Variants in WDR64 observed in about 807,000 individuals in gnomAD.
WDR64 encodes the protein WD repeat domain 64, also known as WD repeat-containing protein 64.
A neutral mutation model predicts 139.3 loss-of-function variants in WDR64; 112 were observed. The observed-to-expected ratio is 0.80, with a 90% CI of 0.69 to 0.94. WDR64 has a LOEUF of 0.94. WDR64 is among the 40% of genes least tolerant of loss of function. WDR64 has a pLI of 0.00. For missense variants in WDR64, 1,206 were observed against 1,293.1 expected (o/e 0.93, Z 1.03); for synonymous variants, 444 against 437.7 (o/e 1.01, Z -0.18).
At chr1:241,796,439 AAT>A (rs1194907302) in intron 27 of WDR64, 69 bp downstream of exon 27, 4 of 1,063,274 alleles carry the variant, frequency 3.8e-6, no homozygotes, top group East Asian at 5.2e-5. Context: ...TTTTTTTAAA[AAT>A]ATGTCTCTGC....
At chr1:241,738,621 A>T in intron 11 of WDR64, 132 bp downstream of exon 11, 1 of 961,104 alleles carries the variant, frequency 1.0e-6, no homozygotes, top group Non-Finnish European at 1.5e-6. Flanking sequence ...GATTCGTGAC[A>T]GTAGATATTT....
intron 10 of WDR64, among the ~76,000 whole-genome samples, chr1:241,733,278 T>A (rs1174298081): frequency 2.0e-5 from 3 of 151,922 alleles, no homozygotes; most frequent in Admixed American, 6.6e-5. Context: ...AGTTTAAGAC[T>A]AGCCTGGCCA....
intron 8 of WDR64, among the ~76,000 whole-genome samples, chr1:241,698,507 T>C (rs1163192245): frequency 2.0e-5 from 3 of 152,086 alleles, no homozygotes; most frequent in South Asian, 4.2e-4. Flanking sequence ...CAGTTCTCTG[T>C]CCCCTCCCCA....
At chr1:241,800,042 T>C (rs1256166862) in intron 27 of WDR64, among the ~76,000 whole-genome samples, 1 of 152,158 alleles carries the variant, frequency 6.6e-6, no homozygotes, top group Non-Finnish European at 1.5e-5. Flanking sequence ...GTCTGGAACA[T>C]AAGAGACACT....
At chr1:241,734,888 T>C (rs570461539) in intron 10 of WDR64, among the ~76,000 whole-genome samples, 9 of 152,198 alleles carry the variant, frequency 5.9e-5, no homozygotes, top group Non-Finnish European at 1.3e-4. Context: ...TGTGTAAGTA[T>C]ACTCTATGAT....
At chr1:241,664,807 C>T (rs1665967973) in intron 2 of WDR64, among the ~76,000 whole-genome samples, 1 of 152,052 alleles carries the variant, frequency 6.6e-6, no homozygotes, top group South Asian at 2.1e-4. Flanking sequence ...AGAAAAATCA[C>T]AAAAAGGTTA....
At chr1:241,727,287 A>C (rs532704626) in intron 10 of WDR64, among the ~76,000 whole-genome samples, 50 of 152,378 alleles carry the variant, frequency 3.3e-4, no homozygotes, top group African/African-American at 1.2e-3. Flanking sequence ...AGTCTCCTAC[A>C]GATAATTTAA....
chr1:241,709,798 G>T (rs1319402704), intron 8 of WDR64, among the ~76,000 whole-genome samples: 1 of 152,012 alleles, frequency 6.6e-6, no homozygotes, highest in African/African-American at 2.4e-5. Context: ...ATACTAAAAT[G>T]GAAATACTTA....
At chr1:241,682,300 G>T (rs1666830884) in intron 6 of WDR64, among the ~76,000 whole-genome samples, 2 of 152,196 alleles carry the variant, frequency 1.3e-5, no homozygotes, top group African/African-American at 4.8e-5. Context: ...GTTGATTTTT[G>T]TATAAGGTGA....
At chr1:241,694,143 T>C (rs1667402053) in intron 8 of WDR64, among the ~76,000 whole-genome samples, 1 of 152,104 alleles carries the variant, frequency 6.6e-6, no homozygotes, top group South Asian at 2.1e-4. Context: ...AGCCTCTGCA[T>C]ATACAGACTT....
intron 9 of WDR64, among the ~76,000 whole-genome samples, chr1:241,716,416 G>A (rs1668405835): frequency 6.6e-6 from 1 of 152,026 alleles, no homozygotes; most frequent in Non-Finnish European, 1.5e-5. Context: ...TAGGAATTAA[G>A]TTCTTAGTAT....
intron 17 of WDR64, among the ~76,000 whole-genome samples, 165 bp downstream of exon 17, chr1:241,769,670 T>C (rs1658345131): frequency 2.0e-5 from 3 of 152,330 alleles, no homozygotes; most frequent in South Asian, 4.1e-4. Flanking sequence ...ATCAGTTGGG[T>C]TGACACGTGG....
intron 1 of WDR64, among the ~76,000 whole-genome samples, chr1:241,654,328 C>T (rs1206940227): frequency 1.3e-5 from 2 of 152,326 alleles, no homozygotes; most frequent in African/African-American, 4.8e-5. Flanking sequence ...AATTTCCTGA[C>T]AATATCACCA....
rs1030325156 is a variant in WDR64, at chr1:241,668,849, G to A, written c.277-2225G>A. 5.3e-5 allele frequency among the ~76,000 whole-genome samples: 8 copies of A among 150,922 alleles called. 1 individual carries two copies. The highest frequency in any genetic ancestry group is 1.9e-4 in the East Asian group (1 of 5,132). On this transcript the variant is annotated intron_variant, in intron 2 of 27. Transcript: ENST00000437684. ...CAGGAGGCGGAGGTTGCAGTGAGTC[G>A]AGATCACACCACTGCACTCCAGCCT...
intron 25 of WDR64, among the ~76,000 whole-genome samples, chr1:241,791,346 C>T (rs1659210009): frequency 6.6e-6 from 1 of 152,162 alleles, no homozygotes; most frequent in South Asian, 2.1e-4. Context: ...TCACACAGCC[C>T]TCTGACCCAG....
rs555516385 is a variant in WDR64 at position 241,735,816 on chromosome 1, T to G, written c.1195-2547T>G. On this transcript the variant is annotated intron_variant, in intron 10 of 27. Transcript: ENST00000437684. Reference sequence around the variant, plus strand: ...AGCCACTGCTCCCAGCCTGTCCTTCTCTTTCTATCTCTCTCTCTCTCTCTC... The same window carrying G: ...AGCCACTGCTCCCAGCCTGTCCTTCGCTTTCTATCTCTCTCTCTCTCTCTC... Among the ~76,000 whole-genome samples the G allele has an allele frequency of 1.1e-4, 10 of 95,020 alleles. 1 individual carries two copies. In the South Asian group the frequency reaches 3.9e-3, roughly 37 times the overall value. 62.3% of individuals were successfully genotyped at this position (95,020 alleles called of 152,430 possible). A position where few individuals can be genotyped will look rare whatever the true frequency, so the allele number is the denominator to read the frequency against.
At chr1:241,712,216 G>T (rs1014035636) in intron 9 of WDR64, among the ~76,000 whole-genome samples, 1 of 152,102 alleles carries the variant, frequency 6.6e-6, no homozygotes, top group Non-Finnish European at 1.5e-5. Flanking sequence ...GGAGCCCCCG[G>T]CACTTATGTG....
Position 241,775,173 on chromosome 1 carries a change from T to G in WDR64, c.2499T>G (p.Thr833=). 1.3e-6 allele frequency: 2 copies of G among 1,550,924 alleles called. No homozygotes were observed. The highest frequency in any genetic ancestry group is 1.7e-6 in the Non-Finnish European group (2 of 1,146,788). ...HSAISLTSLY[T]DSCTRILLAG... is the part of the protein sequence containing the mutation. ...CCATTTCTCTGACATCGCTGTATAC[T>G]GATTCATGTACGAGGATACTACTGG... Residue 833 remains threonine, a synonymous_variant, in exon 21 of 28, where the codon ACT becomes ACG. Transcript: ENST00000437684.
chr1:241,769,407 C>T lies in WDR64; in HGVS notation c.2085C>T (p.Tyr695=). The change falls in exon 17 of 28, where the codon TAC becomes TAT. Residue 695 remains tyrosine (Y), a synonymous_variant. Coordinates refer to ENST00000437684, the MANE Select transcript of WDR64 (RefSeq NM_001367482.1). The part of the protein sequence containing the change: ...NFVTSTVKKV[Y]RPEDCFTVNP... ...ATAAATGTATACTTACTTCTAGGTA[C>T]CGACCTGAAGATTGCTTCACTGTAA... is the stretch of plus-strand genomic sequence containing the variant. 1 of 1,551,114 alleles carries T rather than the reference C, an allele frequency of 6.4e-7. No homozygotes were observed. The highest frequency in any genetic ancestry group is 8.7e-7 in the Non-Finnish European group (1 of 1,146,784).
Sources: allele counts gnomAD v4.1 joint callset (sites outside exome capture counted in the v4.1 genomes callset), GRCh38; gene constraint gnomAD v4.1.1; transcripts MANE v1.5; gene names NCBI Gene and HGNC (gene_info 2026-07-23, HGNC 2026-07-21).